BBOX1: variants seen among roughly 807,000 people sequenced by gnomAD.
The protein encoded by BBOX1 is gamma-butyrobetaine hydroxylase 1.
Under a neutral mutation model 41.6 loss-of-function variants are expected in BBOX1, and 35 were observed. The observed-to-expected ratio is 0.84, with a 90% CI of 0.64 to 1.11. The LOEUF is 1.11. BBOX1 is among the 50% of genes most tolerant of loss of function. The pLI is 0.00. For missense variants in BBOX1, 458 were observed against 460.6 expected (o/e 0.99, Z 0.05); for synonymous variants, 163 against 154.7 (o/e 1.05, Z -0.40).
intron 4 of BBOX1, among the ~76,000 whole-genome samples, chr11:27,061,689 A>G (rs1328560469): frequency 1.3e-5 from 2 of 152,178 alleles, no homozygotes; most frequent in East Asian, 1.9e-4. Context: ...ATCAAGATGC[A>G]GACAATTTTT....
rs117835624 is a variant in BBOX1 at position 27,079,056 on chromosome 11, G to A, written c.335-14112G>A. Among the ~76,000 whole-genome samples, 67 of 152,136 alleles carry A rather than the reference G, an allele frequency of 4.4e-4. No individual in the cohort carries two copies. The East Asian group carries it at 0.01, about 24-fold the overall frequency. On this transcript the variant is annotated intron_variant, in intron 4 of 8. Transcript: ENST00000263182. ...CAAAGGCACGTTAAAGAACATTTGC[G>A]AAAAAGACAGGAGAGAAGAAAAGTG...
chr11:27,087,940 A>G (rs1858100992), intron 4 of BBOX1, among the ~76,000 whole-genome samples: 1 of 152,106 alleles, frequency 6.6e-6, no homozygotes, highest in South Asian at 2.1e-4. Flanking sequence ...ACTACAGACT[A>G]TGCTGCCTAT....
chr11:27,045,994 AT>A (rs1851475548), intron 2 of BBOX1, among the ~76,000 whole-genome samples: 1 of 152,170 alleles, frequency 6.6e-6, no homozygotes. Context: ...CTTAATACAT[AT>A]AAACTTAGCT....
chr11:27,104,145 C>A (rs1858771602), intron 5 of BBOX1, among the ~76,000 whole-genome samples: 1 of 152,096 alleles, frequency 6.6e-6, no homozygotes, highest in African/African-American at 2.4e-5. Context: ...GAATTCCAGA[C>A]TATTCAGATC....
chr11:27,046,268 A>T (rs911396423), intron 2 of BBOX1: 1 of 152,266 alleles, frequency 6.6e-6, no homozygotes, highest in Admixed American at 6.5e-5. Context: ...GACAAACTTG[A>T]ATTTGTAATA....
intron 4 of BBOX1, among the ~76,000 whole-genome samples, chr11:27,081,208 A>C (rs185069111): frequency 6.6e-6 from 1 of 152,292 alleles, no homozygotes; most frequent in Non-Finnish European, 1.5e-5. Flanking sequence ...AATAAAGTAC[A>C]TGAATCCAGG....
chr11:27,076,734 C>T (rs921765068), intron 4 of BBOX1, among the ~76,000 whole-genome samples: 5 of 152,090 alleles, frequency 3.3e-5, no homozygotes, highest in Admixed American at 3.3e-4. Flanking sequence ...TCTCCACATG[C>T]AGGGCAAGCA....
chr11:27,062,557 C>CTT lies in BBOX1; in HGVS notation c.334+5244_334+5245dup, dbSNP rs1338496002. On this transcript the variant is annotated intron_variant, in intron 4 of 8. Coordinates refer to ENST00000263182, the MANE Select transcript of BBOX1 (RefSeq NM_003986.3). ...TACAAGTTTGTACATGTCTCCTAGG[C>CTT]TTTCTTTTTCTTTTTTTTTTGAGAC... Among the ~76,000 whole-genome samples, 62 of 149,084 alleles carry CTT rather than the reference C, an allele frequency of 4.2e-4. No homozygotes were observed. In the South Asian group the frequency reaches 0.011, roughly 26 times the overall value.
intron 4 of BBOX1, among the ~76,000 whole-genome samples, chr11:27,075,909 C>T (rs561908401): frequency 6.6e-6 from 1 of 152,200 alleles, no homozygotes; most frequent in East Asian, 1.9e-4. Flanking sequence ...TTTGTGAGCA[C>T]AAGGGCTGCC....
chr11:27,054,205 C>CT lies in BBOX1; in HGVS notation c.-38-1187dup, dbSNP rs140650326. 6.1e-3 allele frequency among the ~76,000 whole-genome samples: 857 copies of CT among 139,486 alleles called. 6 individuals are homozygous for CT. Among genetic ancestry groups the CT allele is most frequent in the Non-Finnish European group, 8.1e-3 (510 of 62,760 alleles). 91.5% of individuals were successfully genotyped at this position (139,486 alleles called of 152,430 possible). The stretch of plus-strand genomic sequence containing the variant: ...TTTTATAAGCTGTGTGTGTGTGTGT[C>CT]TGTGTGTGTGTGTGTGTGTGTGTGT... On this transcript the variant is annotated intron_variant, in intron 2 of 8. Transcript: ENST00000263182.
At position 27,095,210 on chromosome 11, in the gene BBOX1, G is replaced by A. The variant is rs1126028; in HGVS notation, c.533+1844G>A. ...CTTTGAAACAAATCTCTTCTAAGTC[G>A]TTTTACTTAGTTTTTATTTGCTGAC... On this transcript the variant is annotated intron_variant, in intron 5 of 8. Transcript: ENST00000263182. Among the ~76,000 whole-genome samples, 1,366 of 151,984 alleles carry A rather than the reference G, an allele frequency of 9.0e-3. 9 individuals are homozygous for A. The highest frequency in any genetic ancestry group is 0.02 in the Middle Eastern group (6 of 294).
intron 5 of BBOX1, among the ~76,000 whole-genome samples, chr11:27,110,453 T>C (rs1859018500): frequency 6.6e-6 from 1 of 152,004 alleles, no homozygotes; most frequent in Non-Finnish European, 1.5e-5. Flanking sequence ...CTTGATCCCC[T>C]GGTGGCTCTG....
intron 4 of BBOX1, 73 bp downstream of exon 4, chr11:27,057,388 C>A: frequency 8.2e-7 from 1 of 1,212,580 alleles, no homozygotes; most frequent in Non-Finnish European, 1.2e-6. Flanking sequence ...AATTTGCTCA[C>A]AGAAAATTCA....
At chr11:27,087,783 T>C (rs1446901752) in intron 4 of BBOX1, among the ~76,000 whole-genome samples, 1 of 152,088 alleles carries the variant, frequency 6.6e-6, no homozygotes, top group East Asian at 1.9e-4. Flanking sequence ...TAATGGGCTA[T>C]GGCCCTTAGT....
intron 2 of BBOX1, among the ~76,000 whole-genome samples, chr11:27,055,022 A>C (rs1038607554): frequency 6.6e-6 from 1 of 152,170 alleles, no homozygotes; most frequent in Non-Finnish European, 1.5e-5. Context: ...TGATTGTTAC[A>C]CTTTCAATTT....
intron 4 of BBOX1, among the ~76,000 whole-genome samples, chr11:27,081,783 G>A (rs1442107114): frequency 6.6e-6 from 1 of 152,120 alleles, no homozygotes; most frequent in Non-Finnish European, 1.5e-5. Context: ...TTGTGGTTTT[G>A]ATTTGCATTT....
intron 4 of BBOX1, among the ~76,000 whole-genome samples, chr11:27,057,618 A>C (rs970560334): frequency 7.2e-5 from 11 of 152,216 alleles, no homozygotes; most frequent in African/African-American, 2.7e-4. Flanking sequence ...TGTTCACTAC[A>C]AAGAAGCAGG....
intron 2 of BBOX1, among the ~76,000 whole-genome samples, chr11:27,054,048 T>C (rs1856896137): frequency 6.6e-6 from 1 of 152,190 alleles, no homozygotes; most frequent in African/African-American, 2.4e-5. Context: ...TTTACTTTCA[T>C]GTTGTGTAAG....
chr11:27,072,802 C>T (rs1038760667), intron 4 of BBOX1, among the ~76,000 whole-genome samples: 54 of 152,012 alleles, frequency 3.6e-4, no homozygotes, highest in African/African-American at 1.2e-3. Flanking sequence ...ACAAACCTGA[C>T]AAAAATAAGA....
Sources: allele counts gnomAD v4.1 joint callset (sites outside exome capture counted in the v4.1 genomes callset), GRCh38; gene constraint gnomAD v4.1.1; transcripts MANE v1.5; gene names NCBI Gene and HGNC (gene_info 2026-07-23, HGNC 2026-07-21).